The following TRIM61 variants were observed in gnomAD, a reference collection of about 807,000 sequenced individuals.
The protein encoded by TRIM61 is putative tripartite motif-containing protein 61.
TRIM61 carries 1 observed loss-of-function variant against 14.2 expected under a neutral mutation model. The ratio of observed to expected loss-of-function variants is 0.07; its 90% CI spans 0.03 to 0.33. TRIM61 has a LOEUF of 0.33. Among genes scored for constraint, TRIM61 ranks in the 10% least tolerant of loss-of-function variants. The pLI is 0.99. For missense variants in TRIM61, 19 were observed against 202.2 expected (o/e 0.09, Z 5.49); for synonymous variants, 8 against 71.6 (o/e 0.11, Z 4.49).
At chr4:164,962,841 T>C (rs1004848592) in intron 3 of TRIM61, among the ~76,000 whole-genome samples, 1 of 152,140 alleles carries the variant, frequency 6.6e-6, no homozygotes, top group African/African-American at 2.4e-5. Flanking sequence ...ATATAGTGTT[T>C]TTCCAGCATA....
chr4:164,966,818 G>A (rs1277692656), intron 3 of TRIM61, among the ~76,000 whole-genome samples: 1 of 152,078 alleles, frequency 6.6e-6, no homozygotes, highest in Admixed American at 6.6e-5. Flanking sequence ...GGTGGAGAGG[G>A]TGCGGTGCTG....
At chr4:164,960,862 A>C (rs1306165793) in intron 3 of TRIM61, among the ~76,000 whole-genome samples, 1 of 152,026 alleles carries the variant, frequency 6.6e-6, no homozygotes, top group Non-Finnish European at 1.5e-5. Context: ...GTGGCAGGAA[A>C]ATCACTTGAA....
intron 1 of TRIM61, 150 bp downstream of exon 1, chr4:164,977,381 C>T (rs1732505371): frequency 6.6e-6 from 1 of 152,258 alleles, no homozygotes; most frequent in Non-Finnish European, 1.5e-5. Flanking sequence ...CTGAATTTTT[C>T]ACAAGAGCTA....
rs200797852 is a variant in TRIM61, at chr4:164,955,099, CAAAAA to C, written c.526-8_526-4del. ...CTGGTGACAGAAGGAGACTCCATCT[CAAAAA>C]AAAAAAAAAAAAAAATTATTATGGT... On this transcript the variant is annotated splice_polypyrimidine_tract_variant and splice_region_variant and intron_variant, in intron 3 of 4. Coordinates refer to ENST00000329314, the MANE Select transcript of TRIM61 (RefSeq NM_001012414.3). 12 of 86,124 alleles carry C rather than the reference CAAAAA, an allele frequency of 1.4e-4. No homozygotes were observed. Among genetic ancestry groups the C allele is most frequent in the South Asian group, 3.2e-4 (1 of 3,104 alleles). The allele number at this position is 86,124 out of a possible 1,614,324, so 5.3% of individuals were successfully genotyped here.
chr4:164,973,218 G>A (rs1347532026), intron 2 of TRIM61, among the ~76,000 whole-genome samples: 1 of 152,170 alleles, frequency 6.6e-6, no homozygotes, highest in East Asian at 1.9e-4. Context: ...CCGTAAGTTA[G>A]GAGCTATTAT....
chr4:164,960,715 C>CT (rs763968415), intron 3 of TRIM61, among the ~76,000 whole-genome samples: 1 of 152,156 alleles, frequency 6.6e-6, no homozygotes, highest in Non-Finnish European at 1.5e-5. Flanking sequence ...CTTTGGGAGG[C>CT]TGAGGCAGGC....
chr4:164,957,038 G>C, intron 3 of TRIM61: 20 of 1,498,648 alleles, frequency 1.3e-5, no homozygotes, highest in Non-Finnish European at 1.8e-5. Context: ...AGGATGCGCG[G>C]TGCGGCGGGG....
chr4:164,955,098 T>G lies in TRIM61; in HGVS notation c.526-2A>C. 1.1e-5 allele frequency: 1 copy of G among 89,218 alleles called. No homozygotes were observed. Among genetic ancestry groups the G allele is most frequent in the Non-Finnish European group, 2.2e-5 (1 of 45,302 alleles). 5.5% of individuals were successfully genotyped at this position (89,218 alleles called of 1,614,324 possible). A position where few individuals can be genotyped will look rare whatever the true frequency, so the allele number is the denominator to read the frequency against. On this transcript the variant is annotated splice_acceptor_variant, in intron 3 of 4. Coordinates refer to ENST00000329314, the MANE Select transcript of TRIM61 (RefSeq NM_001012414.3). LOFTEE classifies it high-confidence loss of function. ...CCTGGTGACAGAAGGAGACTCCATC[T>G]CAAAAAAAAAAAAAAAAAAAATTAT...
intron 3 of TRIM61, among the ~76,000 whole-genome samples, chr4:164,960,098 G>A (rs1318857044): frequency 6.6e-6 from 1 of 152,150 alleles, no homozygotes; most frequent in African/African-American, 2.4e-5. Flanking sequence ...CCATTGGAGT[G>A]ATGCATCTAC....
chr4:164,957,941 A>T (rs914037774), intron 3 of TRIM61: 15 of 169,914 alleles, frequency 8.8e-5, no homozygotes, highest in African/African-American at 3.4e-4. Flanking sequence ...TTCTGCCACA[A>T]CATTATGGTC....
chr4:164,962,964 G>C (rs1732168273), intron 3 of TRIM61, among the ~76,000 whole-genome samples: 1 of 152,130 alleles, frequency 6.6e-6, no homozygotes, highest in Non-Finnish European at 1.5e-5. Flanking sequence ...TCATTTAAAG[G>C]AGGCCCCAAA....
intron 3 of TRIM61, among the ~76,000 whole-genome samples, chr4:164,967,482 AAAGTG>A (rs1223708435): frequency 3.9e-5 from 6 of 152,196 alleles, no homozygotes; most frequent in African/African-American, 1.2e-4. Context: ...ATCAGTTCCC[AAAGTG>A]AAGTGAAGGA....
At chr4:164,966,362 T>C (rs1579146228) in intron 3 of TRIM61, among the ~76,000 whole-genome samples, 1 of 152,320 alleles carries the variant, frequency 6.6e-6, no homozygotes, top group Middle Eastern at 3.4e-3. Context: ...TGAGAAATTC[T>C]ATTAGAAGAG....
intron 3 of TRIM61, among the ~76,000 whole-genome samples, chr4:164,961,156 A>AAAG (rs2111135633): frequency 5.2e-5 from 2 of 38,622 alleles, no homozygotes; most frequent in African/African-American, 3.0e-4. Context: ...TCTCAGGCAA[A>AAAG]AAAAAAAAAA....
chr4:164,972,068 CA>C (rs1161042929), intron 2 of TRIM61, among the ~76,000 whole-genome samples: 1 of 152,146 alleles, frequency 6.6e-6, no homozygotes, highest in Non-Finnish European at 1.5e-5. Flanking sequence ...CCATTATTCC[CA>C]AACTTAAAGT....
At chr4:164,961,153 C>CAAAAAAAAAAAAAAAAAAGAAAA (rs1732123817) in intron 3 of TRIM61, among the ~76,000 whole-genome samples, 1 of 31,718 alleles carries the variant, frequency 3.2e-5, no homozygotes. Context: ...AACTCTCAGG[C>CAAAAAAAAAAAAAAAAAAGAAAA]AAAAAAAAAA....
chr4:164,960,111 G>C (rs1290485456), intron 3 of TRIM61, among the ~76,000 whole-genome samples: 8 of 152,140 alleles, frequency 5.3e-5, no homozygotes. Flanking sequence ...GCATCTACTA[G>C]CCAAGGAATG....
At chr4:164,973,267 G>A (rs770299803) in intron 2 of TRIM61, among the ~76,000 whole-genome samples, 16 of 152,160 alleles carry the variant, frequency 1.1e-4, no homozygotes, top group African/African-American at 2.7e-4. Flanking sequence ...CTGTAAAAGC[G>A]GAGTCTACAA....
intron 3 of TRIM61, among the ~76,000 whole-genome samples, chr4:164,966,933 A>T (rs1163612599): frequency 2.0e-5 from 3 of 149,674 alleles, no homozygotes; most frequent in African/African-American, 7.3e-5. Flanking sequence ...TGTCAAAAAT[A>T]AAAAAAAAAT....
Sources: gnomAD v4.1 joint callset for allele counts (sites outside exome capture counted in the v4.1 genomes callset) on GRCh38, gnomAD v4.1.1 for gene constraint, MANE v1.5 for transcripts, NCBI Gene and HGNC (gene_info 2026-07-23, HGNC 2026-07-21) for gene names.